The following TCP11L1 variants were observed in gnomAD, a reference collection of about 807,000 sequenced individuals.
TCP11L1 encodes t-complex 11 like 1, also known as T-complex protein 11-like protein 1.
In TCP11L1, 28 loss-of-function variants were observed where a neutral mutation model predicts 48.9. The ratio of observed to expected loss-of-function variants is 0.57; its 90% CI spans 0.42 to 0.78. TCP11L1 has a LOEUF of 0.78. Among genes scored for constraint, TCP11L1 ranks in the 30% least tolerant of loss-of-function variants. The probability of loss-of-function intolerance (pLI) is 0.00; values close to 1 mark genes in which losing one functional copy is unlikely to be tolerated. For synonymous variants in TCP11L1, 204 were observed against 231.9 expected, an observed-to-expected ratio of 0.88 and a Z score of 1.09; for missense variants, 505 against 613.4, an observed-to-expected ratio of 0.82 and a Z score of 1.87.
intron 2 of TCP11L1, among the ~76,000 whole-genome samples, chr11:33,048,890 C>G (rs939083684): frequency 5.3e-5 from 8 of 152,198 alleles, no homozygotes; most frequent in African/African-American, 1.9e-4. Context: ...GCTCCAGCCA[C>G]TGTGTTTCAT....
intron 2 of TCP11L1, among the ~76,000 whole-genome samples, chr11:33,045,909 G>T (rs1261248951): frequency 6.6e-6 from 1 of 152,210 alleles, no homozygotes; most frequent in Admixed American, 6.5e-5. Flanking sequence ...CAGCTGTGAC[G>T]GTTTAGCATT....
In TCP11L1 at chr11:33,057,104, C is replaced by A. The variant is rs754788809; in HGVS notation, c.297-11C>A. ...TTTTTGCCCCCCTCCTTTTTTTTTT[C>A]ACTGCCCCAGCTTGAAGAAGAGAGT... On this transcript the variant is annotated splice_polypyrimidine_tract_variant and intron_variant, in intron 3 of 9. Transcript: ENST00000334274. 4 of 1,596,366 alleles carry A rather than the reference C, an allele frequency of 2.5e-6. No individual in the cohort carries two copies.
rs1162615660 is a variant in TCP11L1 at position 33,054,630 on chromosome 11, A to G, written c.201A>G (p.Leu67=). The G allele has an allele frequency of 6.2e-7, 1 of 1,614,026 alleles. No individual in the cohort carries two copies. Among genetic ancestry groups the G allele is most frequent in the Non-Finnish European group, 8.5e-7 (1 of 1,179,976 alleles). Residue 67 remains leucine (L), a synonymous_variant, in exon 3 of 10, where the codon CTA becomes CTG. Coordinates refer to ENST00000334274, the MANE Select transcript of TCP11L1 (RefSeq NM_018393.4). ...PPRFVTVEEL[L]ETARGVTNMA... ...GCTTTGTGACAGTAGAAGAACTTCT[A>G]GAGACAGCGAGAGGTGTCACCAACA...
intron 2 of TCP11L1, among the ~76,000 whole-genome samples, chr11:33,048,953 TGGGAAATAACAAATCCGGCCA>T (rs1854077131): frequency 2.0e-5 from 3 of 152,122 alleles, no homozygotes; most frequent in African/African-American, 7.2e-5. Flanking sequence ...CTAAAATTAT[TGGGAAATAACAAATCCGGCCA>T]GGCGCGGTGG....
chr11:33,065,786 A>G (rs2133741253), intron 7 of TCP11L1, 44 bp from the exon 8 acceptor site: 2 of 1,590,508 alleles, frequency 1.3e-6, no homozygotes, highest in Non-Finnish European at 1.7e-6. Context: ...CTGCTGGCCA[A>G]CCTGGACCTG....
intron 8 of TCP11L1, among the ~76,000 whole-genome samples, chr11:33,066,707 G>A (rs1279120633): frequency 6.6e-6 from 1 of 152,106 alleles, no homozygotes; most frequent in Non-Finnish European, 1.5e-5. Flanking sequence ...CAAGGTTCTT[G>A]TGTTTGTTTG....
chr11:33,060,455 C>T (rs4397819), intron 6 of TCP11L1, among the ~76,000 whole-genome samples: 22,988 of 152,126 alleles, frequency 0.15, 1,897 homozygotes, highest in East Asian at 0.3. Flanking sequence ...CCCCCTGCCC[C>T]AGTGAAGAGC....
intron 7 of TCP11L1, among the ~76,000 whole-genome samples, chr11:33,064,000 G>A (rs976030421): frequency 2.6e-5 from 4 of 151,894 alleles, no homozygotes; most frequent in South Asian, 4.1e-4. Flanking sequence ...TTTCCCCACC[G>A]CTGATCATCT....
chr11:33,045,510 G>A (rs72902938), intron 2 of TCP11L1, among the ~76,000 whole-genome samples: 4,344 of 147,114 alleles, frequency 0.03, 73 homozygotes, highest in African/African-American at 0.043. Flanking sequence ...AGTGAGACAA[G>A]CCTCTCTCAA....
intron 7 of TCP11L1, 80 bp from the exon 8 acceptor site, chr11:33,065,750 T>C (rs878957416): frequency 3.4e-6 from 5 of 1,474,070 alleles, no homozygotes; most frequent in Non-Finnish European, 2.8e-6. Context: ...CAGAGGCAGG[T>C]GTGGGGGCTG....
intron 5 of TCP11L1, 86 bp from the exon 6 acceptor site, chr11:33,058,873 G>A: frequency 5.4e-6 from 8 of 1,477,478 alleles, no homozygotes; most frequent in Non-Finnish European, 7.4e-6. Context: ...TGGGATTACA[G>A]GTGTGAGCCA....
At position 33,072,984 on chromosome 11, in the gene TCP11L1, CCT is replaced by C. The variant is rs1854840847; in HGVS notation, c.*315_*316del. 1.1e-5 allele frequency: 4 copies of C among 365,716 alleles called. No homozygotes were observed. Among genetic ancestry groups the C allele is most frequent in the Non-Finnish European group, 2.1e-5 (4 of 194,498 alleles). 22.7% of individuals were successfully genotyped at this position (365,716 alleles called of 1,614,324 possible). A position where few individuals can be genotyped will look rare whatever the true frequency, so the allele number is the denominator to read the frequency against. On this transcript the variant is annotated 3_prime_UTR_variant, in exon 10 of 10. Transcript: ENST00000334274. ...TCATGTCCTTCCAAGGAGGCTGGGA[CCT>C]CTCTCTTCTGCAATCTGGGTAGTTC...
chr11:33,062,682 G>A (rs896217100), intron 7 of TCP11L1, among the ~76,000 whole-genome samples: 3 of 151,992 alleles, frequency 2.0e-5, no homozygotes, highest in South Asian at 4.1e-4. Flanking sequence ...CATTGCCCCC[G>A]CCCTCTGGCC....
chr11:33,046,056 C>T (rs1433889391), intron 2 of TCP11L1, among the ~76,000 whole-genome samples: 1 of 152,252 alleles, frequency 6.6e-6, no homozygotes, highest in Non-Finnish European at 1.5e-5. Context: ...CCAGAGGCCA[C>T]GCCCTGAGCC....
chr11:33,065,350 G>C (rs1418411812), intron 7 of TCP11L1, among the ~76,000 whole-genome samples: 1 of 152,070 alleles, frequency 6.6e-6, no homozygotes, highest in East Asian at 1.9e-4. Flanking sequence ...TGCAACCTCT[G>C]CTTCCTGGGT....
intron 1 of TCP11L1, among the ~76,000 whole-genome samples, chr11:33,042,896 T>C (rs932749176): frequency 6.6e-6 from 1 of 152,142 alleles, no homozygotes; most frequent in African/African-American, 2.4e-5. Flanking sequence ...TGAAGCCCCA[T>C]CTCTCCTAAA....
At chr11:33,057,367 C>A in intron 4 of TCP11L1, 132 bp downstream of exon 4, 1 of 1,448,772 alleles carries the variant, frequency 6.9e-7, no homozygotes, top group Non-Finnish European at 9.3e-7. Context: ...GAAGGTGGAT[C>A]AAGAGTGTTT....
In TCP11L1 at chr11:33,041,019, G is replaced by T. The variant is rs7120623; in HGVS notation, c.-25+1227G>T. The T allele has an allele frequency of 1.4e-4, 21 of 151,986 alleles. 1 individual carries two copies. Among genetic ancestry groups the T allele is most frequent in the African/African-American group, 4.8e-4 (20 of 41,390 alleles). The allele number at this position is 151,986 out of a possible 1,614,324, so 9.4% of individuals were successfully genotyped here. ...TGCATCTTTCTATTTAAATAAGCAC[G>T]CTTTGAATTGAATTTAAGGCAGTGA... On this transcript the variant is annotated intron_variant, in intron 1 of 9. Coordinates refer to ENST00000334274, the MANE Select transcript of TCP11L1 (RefSeq NM_018393.4).
At chr11:33,040,585 G>A (rs1853801990) in intron 1 of TCP11L1, 1 of 152,216 alleles carries the variant, frequency 6.6e-6, no homozygotes, top group Non-Finnish European at 1.5e-5. Context: ...GAGCATAAGT[G>A]GGGAATATGA....
Sources: gnomAD v4.1 joint callset for allele counts (sites outside exome capture counted in the v4.1 genomes callset) on GRCh38, gnomAD v4.1.1 for gene constraint, MANE v1.5 for transcripts, NCBI Gene and HGNC (gene_info 2026-07-23, HGNC 2026-07-21) for gene names.